PTPRD: variants seen among roughly 807,000 people sequenced by gnomAD.
PTPRD encodes the protein receptor-type tyrosine-protein phosphatase delta.
A neutral mutation model predicts 214.5 loss-of-function variants in PTPRD; 34 were observed. That is an observed-to-expected ratio of 0.16 (90% CI 0.12 to 0.21). PTPRD has a LOEUF of 0.21. PTPRD is among the 10% of genes least tolerant of loss of function. The pLI, the probability that PTPRD is intolerant of heterozygous loss-of-function variation, is 1.00. For synonymous variants in PTPRD, 1,128 were observed against 845.7 expected, an observed-to-expected ratio of 1.33 and a Z score of -5.79; for missense variants, 2,545 against 2,398.7, an observed-to-expected ratio of 1.06 and a Z score of -1.27.
chr9:8,955,720 G>A (rs1300310630), intron 11 of PTPRD, among the ~76,000 whole-genome samples: 1 of 151,236 alleles, frequency 6.6e-6, no homozygotes, highest in Admixed American at 6.6e-5. Flanking sequence ...TTGAAACATC[G>A]GAATTTGAAA....
intron 7 of PTPRD, among the ~76,000 whole-genome samples, chr9:9,684,680 T>G (rs980650671): frequency 1.3e-5 from 2 of 151,342 alleles, no homozygotes; most frequent in Non-Finnish European, 3.0e-5. Flanking sequence ...TTATAAGCAT[T>G]GAAATACAGC....
At chr9:8,847,910 G>A (rs903223988) in intron 11 of PTPRD, among the ~76,000 whole-genome samples, 1 of 152,182 alleles carries the variant, frequency 6.6e-6, no homozygotes, top group Non-Finnish European at 1.5e-5. Context: ...ATATATAACA[G>A]TCACTTGGCA....
intron 8 of PTPRD, among the ~76,000 whole-genome samples, chr9:9,409,278 T>C (rs947091376): frequency 1.3e-5 from 2 of 152,004 alleles, no homozygotes; most frequent in African/African-American, 4.8e-5. Flanking sequence ...CAATATCCAA[T>C]AGCAAGCTTT....
At position 8,486,066 on chromosome 9, in the gene PTPRD, T is replaced by A. The variant is rs750420829; in HGVS notation, c.2751A>T (p.Val917=). The A allele has an allele frequency of 6.2e-7, 1 of 1,614,196 alleles. No individual in the cohort carries two copies. The highest frequency in any genetic ancestry group is 1.1e-5 in the South Asian group (1 of 91,088). Residue 917 remains valine (V), a synonymous_variant, in exon 28 of 46, where the codon GTA becomes GTT. Transcript: ENST00000381196. The stretch of plus-strand genomic sequence containing the variant: ...GAAGGTTTTGAGGGAATCCAGTTGG[T>A]ACTTCTTCTGGAATGGAAATCTCCT... ...MVKEISIPEE[V]PTGFPQNLHS...
intron 3 of PTPRD, among the ~76,000 whole-genome samples, chr9:10,157,564 T>A (rs187854377): frequency 5.2e-4 from 79 of 152,098 alleles, no homozygotes; most frequent in Non-Finnish European, 1.2e-4. Context: ...GCCTTTAACA[T>A]TTTTTTTCCT....
chr9:9,351,955 A>G (rs1284981021), intron 9 of PTPRD, among the ~76,000 whole-genome samples: 3 of 152,028 alleles, frequency 2.0e-5, no homozygotes, highest in Non-Finnish European at 2.9e-5. Context: ...TGAGAATCAT[A>G]TGATTCATAT....
At chr9:10,398,942 T>A (rs751450494) in intron 2 of PTPRD, among the ~76,000 whole-genome samples, 2 of 151,940 alleles carry the variant, frequency 1.3e-5, no homozygotes, top group Non-Finnish European at 2.9e-5. Context: ...GAGCCAAAAA[T>A]TGTGCTTGAT....
intron 5 of PTPRD, among the ~76,000 whole-genome samples, chr9:9,896,527 T>C (rs2075022761): frequency 6.6e-6 from 1 of 152,002 alleles, no homozygotes; most frequent in South Asian, 2.1e-4. Flanking sequence ...AAACACATTT[T>C]TTAAAAGAAA....
At chr9:9,534,521 A>C (rs7032303) in intron 8 of PTPRD, among the ~76,000 whole-genome samples, 1 of 151,898 alleles carries the variant, frequency 6.6e-6, no homozygotes, top group South Asian at 2.1e-4. Flanking sequence ...CTGACATAAT[A>C]CATAAATTTT....
chr9:9,459,444 C>G (rs1299122510), intron 8 of PTPRD, among the ~76,000 whole-genome samples: 4 of 152,026 alleles, frequency 2.6e-5, no homozygotes, highest in Non-Finnish European at 5.9e-5. Flanking sequence ...GATCTTATAT[C>G]TAGAAAACTC....
intron 4 of PTPRD, among the ~76,000 whole-genome samples, chr9:9,972,753 A>G (rs1199126850): frequency 6.6e-6 from 1 of 152,110 alleles, no homozygotes. Flanking sequence ...GGCTGCCTGC[A>G]TGCCTTGTCT....
intron 3 of PTPRD, among the ~76,000 whole-genome samples, chr9:10,241,852 C>G (rs1330990118): frequency 6.6e-6 from 1 of 151,910 alleles, no homozygotes; most frequent in Non-Finnish European, 1.5e-5. Flanking sequence ...GTCAATGATA[C>G]TGCAATAAAG....
intron 2 of PTPRD, among the ~76,000 whole-genome samples, chr9:10,568,411 G>A (rs2066357239): frequency 6.6e-6 from 1 of 151,936 alleles, no homozygotes; most frequent in Non-Finnish European, 1.5e-5. Context: ...ATTGTGAATA[G>A]TGCCGCAATA....
At chr9:9,981,308 G>A (rs1354872926) in intron 4 of PTPRD, among the ~76,000 whole-genome samples, 2 of 151,294 alleles carry the variant, frequency 1.3e-5, no homozygotes, top group Non-Finnish European at 2.9e-5. Context: ...AACATGTATG[G>A]CCAATAACAT....
intron 12 of PTPRD, among the ~76,000 whole-genome samples, chr9:8,679,775 C>A (rs896629649): frequency 4.6e-5 from 7 of 151,884 alleles, no homozygotes; most frequent in African/African-American, 1.5e-4. Flanking sequence ...TTCCTGCCTG[C>A]TGAGCTCTTC....
chr9:9,970,330 G>C (rs1221206648), intron 4 of PTPRD, among the ~76,000 whole-genome samples: 2 of 150,880 alleles, frequency 1.3e-5, no homozygotes, highest in African/African-American at 4.9e-5. Context: ...GGCACCTGTA[G>C]TCCCAGCTAC....
chr9:9,789,501 T>G (rs1180727272), intron 5 of PTPRD, among the ~76,000 whole-genome samples: 4 of 152,028 alleles, frequency 2.6e-5, no homozygotes, highest in Non-Finnish European at 5.9e-5. Flanking sequence ...CCTAGGTGAT[T>G]AAAACTTTTA....
At chr9:9,380,039 C>G (rs965724983) in intron 9 of PTPRD, among the ~76,000 whole-genome samples, 2 of 151,952 alleles carry the variant, frequency 1.3e-5, no homozygotes, top group African/African-American at 4.8e-5. Context: ...TTAACTAGGA[C>G]TTCAAATGTG....
At chr9:10,271,533 TCTTTTC>T (rs2094420828) in intron 3 of PTPRD, among the ~76,000 whole-genome samples, 1 of 92,512 alleles carries the variant, frequency 1.1e-5, no homozygotes, top group African/African-American at 2.9e-5. Context: ...TTCAATTGTT[TCTTTTC>T]TTTTCTTTTC....
Sources: gnomAD v4.1 joint callset for allele counts (sites outside exome capture counted in the v4.1 genomes callset) on GRCh38, gnomAD v4.1.1 for gene constraint, MANE v1.5 for transcripts, NCBI Gene and HGNC (gene_info 2026-07-23, HGNC 2026-07-21) for gene names.